The following RPS6KC1 variants were observed in gnomAD, a reference collection of about 807,000 sequenced individuals.
RPS6KC1 encodes ribosomal protein S6 kinase C1.
Under a neutral mutation model 103.8 loss-of-function variants are expected in RPS6KC1, and 54 were observed. That is an observed-to-expected ratio of 0.52 (90% CI 0.42 to 0.65). RPS6KC1 has a LOEUF of 0.65. RPS6KC1 is among the 30% of genes least tolerant of loss of function. RPS6KC1 has a pLI of 0.00. For missense variants in RPS6KC1, 1,151 were observed against 1,253.8 expected (o/e 0.92, Z 1.24); for synonymous variants, 439 against 438.7 (o/e 1.00, Z -0.01).
At chr1:213,653,283 C>T in the RPS6KC1 span, among the ~76,000 whole-genome samples, 1 of 152,108 alleles carries the variant, frequency 6.6e-6, no homozygotes, top group African/African-American at 2.4e-5. Flanking sequence ...CATGGCAAGA[C>T]CCCATCTCTA....
the RPS6KC1 span, among the ~76,000 whole-genome samples, chr1:213,414,359 G>A: frequency 6.6e-6 from 1 of 152,176 alleles, no homozygotes; most frequent in Non-Finnish European, 1.5e-5. Context: ...GGTCTTTGTA[G>A]ATATAATTAA....
At chr1:213,813,884 C>G in the RPS6KC1 span, among the ~76,000 whole-genome samples, 68 of 152,312 alleles carry the variant, frequency 4.5e-4, no homozygotes, top group Non-Finnish European at 8.7e-4. Context: ...TAGCACTTCT[C>G]ACCTTGAAGT....
chr1:213,584,633 G>A, the RPS6KC1 span, among the ~76,000 whole-genome samples: 2 of 152,230 alleles, frequency 1.3e-5, no homozygotes, highest in Non-Finnish European at 2.9e-5. Context: ...AGGAATTTAT[G>A]TTAGGAAAAG....
At chr1:213,794,227 A>AT in the RPS6KC1 span, among the ~76,000 whole-genome samples, 10 of 152,166 alleles carry the variant, frequency 6.6e-5, no homozygotes, top group African/African-American at 2.2e-4. Flanking sequence ...TGTTACTTAT[A>AT]TTTTTTTAAA....
chr1:213,631,088 G>T, the RPS6KC1 span, among the ~76,000 whole-genome samples: 7 of 152,082 alleles, frequency 4.6e-5, no homozygotes, highest in African/African-American at 1.4e-4. Context: ...GGAGTGACCC[G>T]ATTTTCCAGG....
At chr1:213,828,879 A>G in the RPS6KC1 span, among the ~76,000 whole-genome samples, 1 of 152,240 alleles carries the variant, frequency 6.6e-6, no homozygotes, top group Non-Finnish European at 1.5e-5. Flanking sequence ...TATGTGGTAT[A>G]AAAATTTCAA....
the RPS6KC1 span, among the ~76,000 whole-genome samples, chr1:213,434,033 C>T: frequency 9.7e-4 from 145 of 149,526 alleles, no homozygotes; most frequent in Non-Finnish European, 1.7e-3. Flanking sequence ...ATACACATCA[C>T]GAAGATTTTT....
chr1:213,247,737 A>T (rs2094475785), intron 12 of RPS6KC1, among the ~76,000 whole-genome samples: 1 of 152,188 alleles, frequency 6.6e-6, no homozygotes, highest in Non-Finnish European at 1.5e-5. Context: ...AAAATCACAG[A>T]TGTCAGATCA....
chr1:213,673,177 C>T, the RPS6KC1 span, among the ~76,000 whole-genome samples: 2 of 152,176 alleles, frequency 1.3e-5, no homozygotes, highest in Admixed American at 1.3e-4. Flanking sequence ...AAACATGGAT[C>T]AGCAGCTCAG....
At chr1:213,615,681 C>G in the RPS6KC1 span, among the ~76,000 whole-genome samples, 1 of 152,264 alleles carries the variant, frequency 6.6e-6, no homozygotes, top group African/African-American at 2.4e-5. Flanking sequence ...TTCCACAGAA[C>G]GCGCCATCTG....
At chr1:213,291,799 CT>C in the RPS6KC1 span, among the ~76,000 whole-genome samples, 13 of 152,222 alleles carry the variant, frequency 8.5e-5, no homozygotes, top group Non-Finnish European at 1.5e-4. Context: ...AAGGAGACTT[CT>C]GATTAGTAAC....
the RPS6KC1 span, among the ~76,000 whole-genome samples, chr1:213,705,272 A>G: frequency 6.6e-6 from 1 of 152,078 alleles, no homozygotes. Context: ...ACTAGATTCA[A>G]AAACGTTAGA....
At chr1:213,489,540 A>G in the RPS6KC1 span, among the ~76,000 whole-genome samples, 1 of 152,228 alleles carries the variant, frequency 6.6e-6, no homozygotes, top group Admixed American at 6.5e-5. Context: ...AGAGATGCCA[A>G]GGATACAAAG....
intron 6 of RPS6KC1, among the ~76,000 whole-genome samples, chr1:213,157,908 T>C (rs934792553): frequency 2.0e-5 from 3 of 152,352 alleles, no homozygotes; most frequent in Non-Finnish European, 4.4e-5. Context: ...CCTTTTAATG[T>C]TATAAAATGT....
At chr1:213,770,736 G>T in the RPS6KC1 span, among the ~76,000 whole-genome samples, 259 of 152,228 alleles carry the variant, frequency 1.7e-3, no homozygotes, top group African/African-American at 5.7e-3. Flanking sequence ...TGATTAATTT[G>T]TTCACCCTGT....
At chr1:213,169,330 A>G (rs919858881) in intron 7 of RPS6KC1, among the ~76,000 whole-genome samples, 2 of 152,216 alleles carry the variant, frequency 1.3e-5, no homozygotes, top group African/African-American at 4.8e-5. Context: ...CTTATAAAAC[A>G]AAAAGATTGT....
intron 12 of RPS6KC1, among the ~76,000 whole-genome samples, chr1:213,258,612 T>C (rs953804869): frequency 3.3e-5 from 5 of 152,226 alleles, no homozygotes; most frequent in African/African-American, 9.6e-5. Context: ...GGAAGCCGAA[T>C]TGTATATATA....
chr1:213,808,189 G>C, the RPS6KC1 span, among the ~76,000 whole-genome samples: 1 of 86,930 alleles, frequency 1.2e-5, no homozygotes, highest in Non-Finnish European at 1.8e-5. Context: ...TGCCCCTACT[G>C]GGGGGGTGCC....
chr1:213,216,515 G>C (rs1275711006), intron 8 of RPS6KC1, among the ~76,000 whole-genome samples: 3 of 152,176 alleles, frequency 2.0e-5, no homozygotes, highest in East Asian at 3.8e-4. Context: ...TCTGCACCAA[G>C]TGGACCTAAT....
Sources: gnomAD v4.1 joint callset for allele counts (sites outside exome capture counted in the v4.1 genomes callset) on GRCh38, gnomAD v4.1.1 for gene constraint, MANE v1.5 for transcripts, NCBI Gene and HGNC (gene_info 2026-07-23, HGNC 2026-07-21) for gene names.